Variants in RBFOX1 observed in about 807,000 individuals in gnomAD.
RBFOX1 encodes the protein RNA binding protein fox-1 homolog 1.
Under a neutral mutation model 57.7 loss-of-function variants are expected in RBFOX1, and 8 were observed. That is an observed-to-expected ratio of 0.14 (90% confidence interval 0.08 to 0.25). The LOEUF (loss-of-function observed/expected upper bound fraction) is 0.25, where lower values mean the gene tolerates loss of function less well. Among genes scored for constraint, RBFOX1 ranks in the 10% least tolerant of loss-of-function variants. The probability of loss-of-function intolerance (pLI) is 1.00; values close to 1 mark genes in which losing one functional copy is unlikely to be tolerated. For missense variants in RBFOX1, 611 were observed against 548.5 expected (o/e 1.11, Z -1.14); for synonymous variants, 326 against 222.4 (o/e 1.47, Z -4.15).
At chr16:6,180,422 A>G (rs1014215582) in intron 1 of RBFOX1, among the ~76,000 whole-genome samples, 5 of 151,488 alleles carry the variant, frequency 3.3e-5, no homozygotes, top group African/African-American at 7.3e-5. Flanking sequence ...AAAATTGTCC[A>G]TAAGATACCC....
chr16:6,978,082 T>G (rs1598945433), intron 3 of RBFOX1, among the ~76,000 whole-genome samples: 1 of 141,576 alleles, frequency 7.1e-6, no homozygotes, highest in Admixed American at 7.1e-5. Context: ...CCCCTTCATG[T>G]GGGTGTCAAT....
At chr16:7,438,896 C>G (rs961180783) in intron 4 of RBFOX1, among the ~76,000 whole-genome samples, 3 of 152,114 alleles carry the variant, frequency 2.0e-5, no homozygotes, top group Non-Finnish European at 2.9e-5. Context: ...CTGCATGAAT[C>G]CCCCCCTTCA....
intron 1 of RBFOX1, among the ~76,000 whole-genome samples, chr16:5,383,030 T>C (rs557426976): frequency 1.3e-5 from 2 of 152,218 alleles, no homozygotes; most frequent in South Asian, 2.1e-4. Flanking sequence ...CTTGCTCACA[T>C]GCTATAAAGC....
chr16:7,689,401 G>T (rs371679930), intron 14 of RBFOX1, among the ~76,000 whole-genome samples: 1 of 152,152 alleles, frequency 6.6e-6, no homozygotes, highest in African/African-American at 2.4e-5. Flanking sequence ...AAACTTCAAG[G>T]TAAGAAGCAG....
chr16:5,713,509 C>G (rs890372886), intron 3 of RBFOX1, among the ~76,000 whole-genome samples: 1 of 152,156 alleles, frequency 6.6e-6, no homozygotes, highest in African/African-American at 2.4e-5. Context: ...TTTGTTGACT[C>G]TTTGTTCCTA....
intron 10 of RBFOX1, among the ~76,000 whole-genome samples, chr16:7,618,527 G>A (rs1197706420): frequency 6.6e-6 from 1 of 151,962 alleles, no homozygotes; most frequent in Non-Finnish European, 1.5e-5. Context: ...AACGCAAGGT[G>A]ACATGTTTTT....
intron 2 of RBFOX1, among the ~76,000 whole-genome samples, chr16:6,481,138 A>C (rs1156664839): frequency 1.3e-5 from 2 of 152,196 alleles, no homozygotes; most frequent in Non-Finnish European, 2.9e-5. Flanking sequence ...ATCAGTTTAC[A>C]GTGCTCATGG....
At chr16:6,445,896 A>G (rs75406713) in intron 2 of RBFOX1, among the ~76,000 whole-genome samples, 2,926 of 152,132 alleles carry the variant, frequency 0.019, 94 homozygotes, top group African/African-American at 0.066. Flanking sequence ...TGAACTCTTT[A>G]AAGGTGAGGC....
intron 2 of RBFOX1, among the ~76,000 whole-genome samples, chr16:6,526,583 C>T (rs774679232): frequency 2.6e-5 from 4 of 151,976 alleles, no homozygotes; most frequent in African/African-American, 9.7e-5. Flanking sequence ...GTAATCCCAG[C>T]ACTTTGGGAG....
At chr16:5,425,317 G>T (rs2067525426) in intron 1 of RBFOX1, among the ~76,000 whole-genome samples, 1 of 152,048 alleles carries the variant, frequency 6.6e-6, no homozygotes, top group Non-Finnish European at 1.5e-5. Context: ...TGTTGGCCAG[G>T]CTGGTCTCGG....
rs529689352 is a variant in RBFOX1 at position 5,497,986 on chromosome 16, T to C, written c.258+30732T>C. ...AAATTTCAGGCAGAGGGAAAAAACATGTGCAAAGGCTGGAAGATGGGGAAA... is the reference window on the plus strand; with the variant it reads ...AAATTTCAGGCAGAGGGAAAAAACACGTGCAAAGGCTGGAAGATGGGGAAA... On this transcript the variant is annotated intron_variant, in intron 2 of 2. Coordinates refer to the RBFOX1 transcript ENST00000585867. 6.6e-5 allele frequency among the ~76,000 whole-genome samples: 10 copies of C among 152,030 alleles called. No individual in the cohort carries two copies. In the South Asian group the frequency reaches 1.7e-3, roughly 25 times the overall value.
Position 6,765,168 on chromosome 16 carries a change from G to T in RBFOX1, c.-16+110518G>T, listed in dbSNP as rs575756953. 2.0e-5 allele frequency among the ~76,000 whole-genome samples: 3 copies of T among 152,212 alleles called. No individual in the cohort carries two copies. The East Asian group carries it at 5.8e-4, about 29-fold the overall frequency. On this transcript the variant is annotated intron_variant, in intron 3 of 15. Coordinates refer to ENST00000550418, the MANE Select transcript of RBFOX1 (RefSeq NM_018723.4). ...TCTGTGAACAGTTTACCTTGCATGA[G>T]GCTCTGAATGCAGCACGTGGTAAGG...
chr16:5,815,235 C>T (rs1281605914), intron 3 of RBFOX1, among the ~76,000 whole-genome samples: 1 of 140,638 alleles, frequency 7.1e-6, no homozygotes, highest in Admixed American at 7.7e-5. Context: ...CTCAAGTAAT[C>T]CTCCTGTCTC....
At chr16:6,541,599 G>C (rs1180093132) in intron 2 of RBFOX1, among the ~76,000 whole-genome samples, 1 of 152,176 alleles carries the variant, frequency 6.6e-6, no homozygotes, top group Non-Finnish European at 1.5e-5. Flanking sequence ...TTAAATAGAG[G>C]AGGGATAGGA....
chr16:7,160,031 T>C (rs886904691), intron 4 of RBFOX1, among the ~76,000 whole-genome samples: 17 of 152,186 alleles, frequency 1.1e-4, no homozygotes, highest in Admixed American at 5.2e-4. Flanking sequence ...GCATTATCTG[T>C]GCAACTGTGT....
At chr16:5,867,869 G>A (rs566911448) in intron 4 of RBFOX1, among the ~76,000 whole-genome samples, 11 of 151,970 alleles carry the variant, frequency 7.2e-5, no homozygotes, top group East Asian at 5.8e-4. Context: ...GCACCGCCAC[G>A]CCTGGCTAAT....
At chr16:6,683,432 A>T (rs923941178) in intron 3 of RBFOX1, among the ~76,000 whole-genome samples, 2 of 152,090 alleles carry the variant, frequency 1.3e-5, no homozygotes, top group Non-Finnish European at 2.9e-5. Context: ...TTTGGGGAGG[A>T]TATATCTATG....
At chr16:6,478,410 TATATATATATATATA>T (rs2095311047) in intron 2 of RBFOX1, among the ~76,000 whole-genome samples, 14 of 23,584 alleles carry the variant, frequency 5.9e-4, no homozygotes, top group Admixed American at 2.3e-3. Context: ...TATATATATA[TATATATATATATATA>T]TATATTTTTT....
At chr16:5,515,872 A>T (rs1171841522) in intron 2 of RBFOX1, among the ~76,000 whole-genome samples, 1 of 152,076 alleles carries the variant, frequency 6.6e-6, no homozygotes, top group Non-Finnish European at 1.5e-5. Flanking sequence ...TTTTGTGTGC[A>T]TTTTCTCACC....
Sources: allele counts gnomAD v4.1 joint callset (sites outside exome capture counted in the v4.1 genomes callset), GRCh38; gene constraint gnomAD v4.1.1; transcripts MANE v1.5; gene names NCBI Gene and HGNC (gene_info 2026-07-23, HGNC 2026-07-21).